FGF12: variants seen among roughly 807,000 people sequenced by gnomAD.
FGF12 encodes the protein fibroblast growth factor 12, also known as fibroblast growth factor 12B.
In FGF12, 14 loss-of-function variants were observed where a neutral mutation model predicts 23.6. The observed-to-expected ratio is 0.59, with a 90% CI of 0.39 to 0.93. FGF12 has a LOEUF of 0.93. Among genes scored for constraint, FGF12 ranks in the 40% least tolerant of loss-of-function variants. The pLI, the probability that FGF12 is intolerant of heterozygous loss-of-function variation, is 0.00. For synonymous variants in FGF12, 62 were observed against 77.3 expected (o/e 0.80, Z 1.04); for missense variants, 175 against 217.8 (o/e 0.80, Z 1.24).
intron 2 of FGF12, among the ~76,000 whole-genome samples, chr3:192,700,805 A>G (rs1348365749): frequency 1.3e-5 from 2 of 152,226 alleles, no homozygotes; most frequent in Non-Finnish European, 2.9e-5. Context: ...ACCAGCATTA[A>G]CATTCAAACA....
intron 2 of FGF12, among the ~76,000 whole-genome samples, chr3:192,372,244 G>C (rs1413052115): frequency 3.3e-5 from 5 of 152,226 alleles, no homozygotes; most frequent in Admixed American, 2.6e-4. Flanking sequence ...TGTTGGACTT[G>C]TCCTGAAACT....
intron 2 of FGF12, among the ~76,000 whole-genome samples, chr3:192,497,263 C>T (rs150366569): frequency 0.014 from 2,132 of 152,326 alleles, 23 homozygotes; most frequent in Middle Eastern, 0.027. Flanking sequence ...GACTCTCTTT[C>T]TCTCAAATCC....
At chr3:192,615,816 A>T (rs1714733747) in intron 2 of FGF12, among the ~76,000 whole-genome samples, 1 of 152,062 alleles carries the variant, frequency 6.6e-6, no homozygotes, top group African/African-American at 2.4e-5. Context: ...AACAAGATGG[A>T]AATTTATGCC....
At chr3:192,647,676 C>CATATATACATATATGTGTATATATGTGT (rs1560180757) in intron 2 of FGF12, among the ~76,000 whole-genome samples, 1 of 148,260 alleles carries the variant, frequency 6.7e-6, no homozygotes. Context: ...AATGAAGATA[C>CATATATACATATATGTGTATATATGTGT]ATATATACAT....
chr3:192,150,792 A>G (rs111309809), intron 5 of FGF12, among the ~76,000 whole-genome samples: 3 of 143,548 alleles, frequency 2.1e-5, no homozygotes, highest in Non-Finnish European at 3.1e-5. Flanking sequence ...TTGACTTGGC[A>G]ATGCGGGCTC....
chr3:192,564,124 C>A (rs767306627), intron 2 of FGF12, among the ~76,000 whole-genome samples: 3 of 151,994 alleles, frequency 2.0e-5, no homozygotes, highest in Non-Finnish European at 4.4e-5. Context: ...AGTGCAGTGG[C>A]GCGATCTCAG....
At chr3:192,576,962 G>A (rs768004197) in intron 2 of FGF12, among the ~76,000 whole-genome samples, 7 of 152,086 alleles carry the variant, frequency 4.6e-5, no homozygotes, top group South Asian at 2.1e-4. Flanking sequence ...CAAGAACAGA[G>A]TACCAAACAC....
At chr3:192,451,302 G>A (rs1156863363) in intron 2 of FGF12, among the ~76,000 whole-genome samples, 2 of 152,146 alleles carry the variant, frequency 1.3e-5, no homozygotes, top group Non-Finnish European at 2.9e-5. Flanking sequence ...CACTCTCTTT[G>A]TTCTATGCCA....
At position 192,514,320 on chromosome 3, in the gene FGF12, A is replaced by T. The variant is rs562647744; in HGVS notation, c.14-153782T>A. Among the ~76,000 whole-genome samples, 66 of 152,364 alleles carry T rather than the reference A, an allele frequency of 4.3e-4. No homozygotes were observed. The highest frequency in any genetic ancestry group is 3.4e-3 in the Middle Eastern group (1 of 294). On this transcript the variant is annotated intron_variant, in intron 2 of 5. Transcript: ENST00000445105. The surrounding 1 kb of genome is among the most constrained non-coding windows in gnomAD (Gnocchi z 4.9). The stretch of plus-strand genomic sequence containing the variant: ...CTTTTCGGAGACACTGAACAACTCC[A>T]AGTCGCGCGCCGCCCTCGCAAATCG...
At chr3:192,517,050 A>G (rs976510575) in intron 2 of FGF12, 5 of 152,198 alleles carry the variant, frequency 3.3e-5, no homozygotes, top group African/African-American at 1.2e-4. Context: ...ACCTAGAGCT[A>G]TTTCCTTACT....
chr3:192,405,227 T>C (rs568485892), intron 2 of FGF12, among the ~76,000 whole-genome samples: 1 of 151,314 alleles, frequency 6.6e-6, no homozygotes, highest in Admixed American at 6.5e-5. Context: ...TCCCATGTTT[T>C]CATTCTGTGT....
intron 2 of FGF12, among the ~76,000 whole-genome samples, chr3:192,519,078 A>G (rs998558662): frequency 6.6e-6 from 1 of 152,158 alleles, no homozygotes; most frequent in African/African-American, 2.4e-5. Context: ...CAGTGTACAA[A>G]TATCAAACCC....
At chr3:192,578,335 G>A (rs1712995323) in intron 2 of FGF12, among the ~76,000 whole-genome samples, 1 of 151,610 alleles carries the variant, frequency 6.6e-6, no homozygotes, top group Admixed American at 6.6e-5. Context: ...CTGGAGTAAA[G>A]GAAGATTGAG....
At chr3:192,622,286 C>T (rs927805065) in intron 2 of FGF12, among the ~76,000 whole-genome samples, 1 of 152,150 alleles carries the variant, frequency 6.6e-6, no homozygotes, top group African/African-American at 2.4e-5. Context: ...CTCCTTTCAA[C>T]CTCACATGGA....
intron 2 of FGF12, among the ~76,000 whole-genome samples, chr3:192,693,051 C>T (rs772530243): frequency 4.6e-5 from 7 of 151,666 alleles, no homozygotes; most frequent in Admixed American, 1.3e-4. Flanking sequence ...GTAGAAAACC[C>T]TAAAGACTTC....
At chr3:192,445,476 T>A (rs987621850) in intron 2 of FGF12, among the ~76,000 whole-genome samples, 7 of 152,198 alleles carry the variant, frequency 4.6e-5, no homozygotes, top group African/African-American at 1.7e-4. Context: ...CTAGAGCATC[T>A]CATCTAGAAA....
chr3:192,605,428 G>A (rs867254960), intron 2 of FGF12, among the ~76,000 whole-genome samples: 2 of 151,044 alleles, frequency 1.3e-5, no homozygotes, highest in Non-Finnish European at 3.0e-5. Context: ...ACACTGTTTT[G>A]TACATTGGCT....
chr3:192,374,769 G>T (rs774187376), intron 2 of FGF12, among the ~76,000 whole-genome samples: 1 of 152,126 alleles, frequency 6.6e-6, no homozygotes, highest in Non-Finnish European at 1.5e-5. Flanking sequence ...TTCATAAGCA[G>T]AAGGGCTGTA....
At chr3:192,628,442 T>TACACACAC (rs60991895) in intron 2 of FGF12, among the ~76,000 whole-genome samples, 8 of 134,982 alleles carry the variant, frequency 5.9e-5, no homozygotes, top group African/African-American at 2.0e-4. Flanking sequence ...ACCAAAGGAA[T>TACACACAC]ACACACACAC....
Sources: gnomAD v4.1 joint callset for allele counts (sites outside exome capture counted in the v4.1 genomes callset) on GRCh38, gnomAD v4.1.1 for gene constraint, Gnocchi (gnomAD v3.1) non-coding constraint, MANE v1.5 for transcripts, NCBI Gene and HGNC (gene_info 2026-07-23, HGNC 2026-07-21) for gene names.